Variants in ZNF714 observed in about 807,000 individuals in gnomAD.
ZNF714 encodes the protein zinc finger protein 714.
In ZNF714, 32 loss-of-function variants were observed where a neutral mutation model predicts 46.2. That is an observed-to-expected ratio of 0.69 (90% CI 0.52 to 0.93). The LOEUF is 0.93. ZNF714 is among the 40% of genes least tolerant of loss of function. The probability of loss-of-function intolerance (pLI) is 0.00; values close to 1 mark genes in which losing one functional copy is unlikely to be tolerated. For synonymous variants in ZNF714, 199 were observed against 213.1 expected (o/e 0.93, Z 0.58); for missense variants, 635 against 646.3 (o/e 0.98, Z 0.19).
chr19:21,102,720 C>T (rs1187779523), intron 4 of ZNF714, among the ~76,000 whole-genome samples: 1 of 152,250 alleles, frequency 6.6e-6, no homozygotes, highest in South Asian at 2.1e-4. Flanking sequence ...CATGAGTACA[C>T]AAATATTGTA....
At chr19:21,091,276 G>C (rs1968902828) in intron 2 of ZNF714, 1 of 152,152 alleles carries the variant, frequency 6.6e-6, no homozygotes, top group Non-Finnish European at 1.5e-5. Flanking sequence ...ATAGCAGAGA[G>C]GATGACCATA....
intron 4 of ZNF714, 115 bp downstream of exon 4, chr19:21,099,025 A>AGCCATCAGCAAG: frequency 1.9e-6 from 1 of 537,824 alleles, no homozygotes; most frequent in Non-Finnish European, 3.1e-6. Flanking sequence ...CAAAGTATAT[A>AGCCATCAGCAAG]GTTTCTGGGA....
intron 4 of ZNF714, among the ~76,000 whole-genome samples, chr19:21,108,497 G>A (rs1969373794): frequency 6.6e-6 from 1 of 152,170 alleles, no homozygotes; most frequent in Non-Finnish European, 1.5e-5. Context: ...TCCTGGTCAT[G>A]AGAAAGTTTT....
Position 21,098,850 on chromosome 19 carries a change from C to T in ZNF714, c.82C>T (p.Leu28=). The T allele has an allele frequency of 6.2e-7, 1 of 1,610,308 alleles. No homozygotes were observed. The highest frequency in any genetic ancestry group is 1.1e-5 in the South Asian group (1 of 90,786). Reference sequence around the variant, plus strand: ...CTCTAAGCAAGACCCGATCACCAGTCTAGAGCAAGAAAAAGAGCCCTGGAA... The same window carrying T: ...CTCTAAGCAAGACCCGATCACCAGTTTAGAGCAAGAAAAAGAGCCCTGGAA... The part of the protein sequence containing the change: ...AVSKQDPITS[L]EQEKEPWNMK... Residue 28 remains leucine, a synonymous_variant, in exon 4 of 5, where the codon CTA becomes TTA. Transcript: ENST00000456283.
chr19:21,101,804 G>T (rs1223917160), intron 4 of ZNF714, among the ~76,000 whole-genome samples: 1 of 152,210 alleles, frequency 6.6e-6, no homozygotes, highest in Non-Finnish European at 1.5e-5. Context: ...AGAATTCTCT[G>T]TTGGACCAAG....
rs895986699 is a variant in ZNF714 at position 21,082,272 on chromosome 19, G to T, written c.-253G>T. On this transcript the variant is annotated 5_prime_UTR_variant, in exon 1 of 5. Coordinates refer to ENST00000456283, the MANE Select transcript of ZNF714 (RefSeq NM_182515.4). ...TGTGTCCTCTGCTCGCAGAGGCCCA[G>T]CCTCTGTGGCCCTGTGACCTGCAGG... is the stretch of plus-strand genomic sequence containing the variant. 2 of 1,408,686 alleles carry T rather than the reference G, an allele frequency of 1.4e-6. No individual in the cohort carries two copies. Among genetic ancestry groups the T allele is most frequent in the African/African-American group, 1.4e-5 (1 of 71,034 alleles). 87.3% of individuals were successfully genotyped at this position (1,408,686 alleles called of 1,614,324 possible).
Position 21,098,204 on chromosome 19 carries a change from A to G in ZNF714, c.-65A>G. 6.2e-7 allele frequency: 1 copy of G among 1,611,790 alleles called. No homozygotes were observed. The highest frequency in any genetic ancestry group is 8.5e-7 in the Non-Finnish European group (1 of 1,179,588). On this transcript the variant is annotated 5_prime_UTR_variant, in exon 3 of 5. It removes an upstream start codon present in the reference 5' UTR. Transcript: ENST00000456283. The stretch of plus-strand genomic sequence containing the variant: ...TTTCAGGAGACGTTGACATTTAGGG[A>G]TGTGGCCATAGAATTCTCTCTGGAG...
chr19:21,124,677 T>A lies in ZNF714; in HGVS notation c.*6345T>A, dbSNP rs987543665. ...TTATTATGAACTATAGTCACCATGT[T>A]GTACAATAAATCTCTTGAACTTATT... On this transcript the variant is annotated 3_prime_UTR_variant, in exon 5 of 5. Transcript: ENST00000456283. Among the ~76,000 whole-genome samples, 12 of 152,170 alleles carry A rather than the reference T, an allele frequency of 7.9e-5. No homozygotes were observed. Among genetic ancestry groups the A allele is most frequent in the Non-Finnish European group, 1.8e-4 (12 of 68,018 alleles).
intron 4 of ZNF714, among the ~76,000 whole-genome samples, chr19:21,100,184 C>A (rs776347269): frequency 1.3e-5 from 2 of 151,768 alleles, no homozygotes; most frequent in Non-Finnish European, 2.9e-5. Context: ...TTATTTTTGT[C>A]TTCTCTAATT....
intron 4 of ZNF714, among the ~76,000 whole-genome samples, chr19:21,108,073 A>T (rs1333202823): frequency 1.3e-5 from 2 of 152,052 alleles, no homozygotes; most frequent in Non-Finnish European, 2.9e-5. Context: ...ACAGACATGC[A>T]CTACCATGCC....
chr19:21,098,156 A>G (rs1204889963), intron 2 of ZNF714, 29 bp from the exon 3 acceptor site: 1 of 1,585,906 alleles, frequency 6.3e-7, no homozygotes, highest in East Asian at 2.3e-5. Flanking sequence ...TGGTAAATAT[A>G]CGTGTGTCTG....
At chr19:21,106,369 AC>A (rs1969314080) in intron 4 of ZNF714, among the ~76,000 whole-genome samples, 2 of 152,056 alleles carry the variant, frequency 1.3e-5, no homozygotes, top group South Asian at 2.1e-4. Flanking sequence ...GGAGTTCGAG[AC>A]CAGCCTGACC....
At chr19:21,085,955 C>T (rs1968769623) in intron 2 of ZNF714, among the ~76,000 whole-genome samples, 1 of 151,074 alleles carries the variant, frequency 6.6e-6, no homozygotes, top group East Asian at 1.9e-4. Flanking sequence ...TTAAGGATTG[C>T]ATAGTTTAGG....
At chr19:21,113,253 A>G (rs1969503540) in intron 4 of ZNF714, 1 of 152,080 alleles carries the variant, frequency 6.6e-6, no homozygotes, top group Non-Finnish European at 1.5e-5. Context: ...CTCTGATTTA[A>G]TTTTATTATT....
At chr19:21,110,276 A>G (rs141883773) in intron 4 of ZNF714, among the ~76,000 whole-genome samples, 286 of 152,332 alleles carry the variant, frequency 1.9e-3, no homozygotes, top group African/African-American at 6.3e-3. Flanking sequence ...TTGGCTTTTT[A>G]GTAATCACCA....
At chr19:21,107,528 C>A (rs1969351795) in intron 4 of ZNF714, among the ~76,000 whole-genome samples, 1 of 139,624 alleles carries the variant, frequency 7.2e-6, no homozygotes, top group Admixed American at 6.8e-5. Flanking sequence ...TGTAAGCCAC[C>A]ACACCCAGCC....
intron 4 of ZNF714, among the ~76,000 whole-genome samples, chr19:21,102,898 A>G (rs1238948274): frequency 6.6e-6 from 1 of 152,070 alleles, no homozygotes; most frequent in Non-Finnish European, 1.5e-5. Flanking sequence ...ATTTTAGCCA[A>G]TTTGCAGTTC....
chr19:21,095,572 C>A (rs1405728369), intron 2 of ZNF714, among the ~76,000 whole-genome samples: 2 of 151,996 alleles, frequency 1.3e-5, no homozygotes, highest in Admixed American at 6.6e-5. Context: ...ACGCCATTCT[C>A]CTGCCTCAGC....
Position 21,105,314 on chromosome 19 carries a change from C to T in ZNF714, c.142+6404C>T, listed in dbSNP as rs147494965. ...GGGATTACCTGCGTGAGCCACCGGG[C>T]CTGGCCTTACTTTTTCATTTCTAAA... On this transcript the variant is annotated intron_variant, in intron 4 of 4. Coordinates refer to ENST00000456283, the MANE Select transcript of ZNF714 (RefSeq NM_182515.4). 4.2e-3 allele frequency among the ~76,000 whole-genome samples: 640 copies of T among 151,856 alleles called. 6 individuals are homozygous for T. Among genetic ancestry groups the T allele is most frequent in the African/African-American group, 0.014 (588 of 41,410 alleles).
Sources: gnomAD v4.1 joint callset for allele counts (sites outside exome capture counted in the v4.1 genomes callset) on GRCh38, gnomAD v4.1.1 for gene constraint, MANE v1.5 for transcripts, NCBI Gene and HGNC (gene_info 2026-07-23, HGNC 2026-07-21) for gene names.